The following FOXP2 variants were observed in gnomAD, a reference collection of about 807,000 sequenced individuals.
FOXP2 encodes forkhead box P2.
A neutral mutation model predicts 115.8 loss-of-function variants in FOXP2; 12 were observed. That is an observed-to-expected ratio of 0.10 (90% confidence interval 0.07 to 0.17). The LOEUF (loss-of-function observed/expected upper bound fraction) is 0.17. FOXP2 is among the 10% of genes least tolerant of loss of function. The pLI is 1.00. For synonymous variants in FOXP2, 328 were observed against 297.7 expected, an observed-to-expected ratio of 1.10 and a Z score of -1.05; for missense variants, 629 against 843.5, an observed-to-expected ratio of 0.75 and a Z score of 3.15.
upstream of FOXP2, chr7:114,086,449 G>A: frequency 2.9e-6 from 1 of 341,914 alleles, no homozygotes; most frequent in South Asian, 2.1e-5. Context: ...CGGCGGCCGC[G>A]TCCGCTGGCT....
At chr7:114,156,625 AAACCAAGCT>A (rs1792678885) in intron 1 of FOXP2, among the ~76,000 whole-genome samples, 2 of 152,116 alleles carry the variant, frequency 1.3e-5, no homozygotes, top group African/African-American at 2.4e-5. Context: ...CAAATGTATA[AAACCAAGCT>A]AAGGTCAACA....
intron 3 of FOXP2, among the ~76,000 whole-genome samples, chr7:114,566,071 TCC>T (rs1195002143): frequency 6.6e-6 from 1 of 152,146 alleles, no homozygotes; most frequent in Non-Finnish European, 1.5e-5. Flanking sequence ...AGCTACATTG[TCC>T]CTGGGACAGT....
chr7:114,543,604 A>G (rs1446024963), intron 3 of FOXP2, among the ~76,000 whole-genome samples: 2 of 152,352 alleles, frequency 1.3e-5, no homozygotes, highest in Non-Finnish European at 2.9e-5. Flanking sequence ...GCAAAGCTAC[A>G]TTAGTGATAG....
chr7:114,251,972 C>G (rs1328484020), intron 1 of FOXP2, among the ~76,000 whole-genome samples: 3 of 152,142 alleles, frequency 2.0e-5, no homozygotes. Flanking sequence ...CCCATCAATA[C>G]CTAATTTATT....
At chr7:114,301,264 A>G (rs967730812) in intron 2 of FOXP2, among the ~76,000 whole-genome samples, 3 of 152,112 alleles carry the variant, frequency 2.0e-5, no homozygotes, top group African/African-American at 7.2e-5. Context: ...GAACTCCTGG[A>G]AAGTTCATTC....
At chr7:114,567,392 A>T (rs753588452) in intron 3 of FOXP2, among the ~76,000 whole-genome samples, 1 of 152,114 alleles carries the variant, frequency 6.6e-6, no homozygotes, top group Non-Finnish European at 1.5e-5. Flanking sequence ...TCACACCACT[A>T]TTAAGTGTAA....
intron 3 of FOXP2, among the ~76,000 whole-genome samples, chr7:114,598,728 T>C (rs994225754): frequency 1.3e-5 from 2 of 152,188 alleles, no homozygotes; most frequent in African/African-American, 4.8e-5. Flanking sequence ...ACTGAAATGC[T>C]ATACCCATTA....
intron 2 of FOXP2, among the ~76,000 whole-genome samples, chr7:114,290,820 A>T (rs767502036): frequency 3.9e-5 from 6 of 152,136 alleles, no homozygotes; most frequent in South Asian, 2.1e-4. Flanking sequence ...TTTACGCTTA[A>T]TTTGTCAATC....
chr7:114,437,759 T>A (rs1794420084), intron 2 of FOXP2, among the ~76,000 whole-genome samples: 1 of 152,208 alleles, frequency 6.6e-6, no homozygotes, highest in Non-Finnish European at 1.5e-5. Context: ...TCATTTCATG[T>A]CCTTGTAGAC....
chr7:114,160,466 T>C (rs1190420532), upstream of FOXP2, among the ~76,000 whole-genome samples: 1 of 152,192 alleles, frequency 6.6e-6, no homozygotes, highest in East Asian at 1.9e-4. Context: ...ATATATACTC[T>C]ACATAATTTT....
At chr7:114,456,992 A>T (rs991658039) in intron 2 of FOXP2, among the ~76,000 whole-genome samples, 7 of 152,138 alleles carry the variant, frequency 4.6e-5, no homozygotes, top group Non-Finnish European at 1.5e-5. Flanking sequence ...GAGAGAGAGA[A>T]TAAAATGGTG....
intron 1 of FOXP2, among the ~76,000 whole-genome samples, chr7:114,282,664 T>C (rs961262364): frequency 6.6e-6 from 1 of 152,188 alleles, no homozygotes; most frequent in Non-Finnish European, 1.5e-5. Context: ...ATAGGATTAA[T>C]AAATAAATTA....
At chr7:114,126,055 T>C (rs566900011) in intron 1 of FOXP2, among the ~76,000 whole-genome samples, 6 of 152,086 alleles carry the variant, frequency 3.9e-5, no homozygotes, top group Non-Finnish European at 8.8e-5. Context: ...GATGAGGACA[T>C]AGTAATATTG....
intron 1 of FOXP2, among the ~76,000 whole-genome samples, chr7:114,088,746 C>T (rs1390161189): frequency 6.6e-6 from 1 of 152,196 alleles, no homozygotes; most frequent in Non-Finnish European, 1.5e-5. Flanking sequence ...TTTTCTGTCA[C>T]TATGAGTTAT....
intron 3 of FOXP2, among the ~76,000 whole-genome samples, chr7:114,565,952 C>T (rs1198629963): frequency 6.6e-6 from 1 of 152,130 alleles, no homozygotes; most frequent in East Asian, 1.9e-4. Context: ...TCTTCATCTT[C>T]TCTGTCTGAC....
At chr7:114,126,665 A>T (rs1178503659) in intron 1 of FOXP2, among the ~76,000 whole-genome samples, 1 of 152,156 alleles carries the variant, frequency 6.6e-6, no homozygotes. Flanking sequence ...CCTTAAATTC[A>T]GGACTTTGCA....
chr7:114,546,652 G>A (rs867870503), intron 3 of FOXP2, among the ~76,000 whole-genome samples: 5 of 151,568 alleles, frequency 3.3e-5, no homozygotes, highest in African/African-American at 1.2e-4. Context: ...CTAATCCCTG[G>A]AGTCTTCTCT....
At chr7:114,267,780 TAAAA>T (rs1290867607) in intron 1 of FOXP2, among the ~76,000 whole-genome samples, 2 of 125,312 alleles carry the variant, frequency 1.6e-5, no homozygotes, top group Admixed American at 1.6e-4. Context: ...AATAAATAAA[TAAAA>T]TAAATATATA....
Position 114,129,797 on chromosome 7 carries a change from G to A in FOXP2, c.-246-33147G>A, listed in dbSNP as rs142442583. On this transcript the variant is annotated intron_variant, in intron 1 of 19. Transcript: ENST00000635638. ...CTGTCATTAAGTAAAATTTAAGCCT[G>A]CCAAGGCAGAAACTACCTGATTCAC... 2.1e-3 allele frequency among the ~76,000 whole-genome samples: 315 copies of A among 152,276 alleles called. 3 individuals carry two copies. The Middle Eastern group carries it at 0.041, about 20-fold the overall frequency.
Sources: allele counts gnomAD v4.1 joint callset (sites outside exome capture counted in the v4.1 genomes callset), GRCh38; gene constraint gnomAD v4.1.1; transcripts MANE v1.5; gene names NCBI Gene and HGNC (gene_info 2026-07-23, HGNC 2026-07-21).